The following PKD2L1 variants were observed in gnomAD, a reference collection of about 807,000 sequenced individuals.
The protein encoded by PKD2L1 is polycystin 2 like 1, transient receptor potential cation channel.
Under a neutral mutation model 93.0 loss-of-function variants are expected in PKD2L1, and 77 were observed. That is an observed-to-expected ratio of 0.83 (90% CI 0.69 to 1.00). The LOEUF is 1.00. Ranked by LOEUF, PKD2L1 falls within the 50% of genes least tolerant of loss-of-function variation. The pLI, the probability that PKD2L1 is intolerant of heterozygous loss-of-function variation, is 0.00. For missense variants in PKD2L1, 977 were observed against 990.9 expected (o/e 0.99, Z 0.19); for synonymous variants, 390 against 388.0 (o/e 1.01, Z -0.06).
In PKD2L1 at chr10:100,290,055, A is replaced by G. The variant is rs1433340052; in HGVS notation, c.2210T>C (p.Met737Thr). 2 of 1,614,178 alleles carry G rather than the reference A, an allele frequency of 1.2e-6. No homozygotes were observed. Among genetic ancestry groups the G allele is most frequent in the Non-Finnish European group, 1.7e-6 (2 of 1,180,016 alleles). The change falls in exon 14 of 16, where the codon ATG becomes ACG. Residue 737 changes from methionine (M) to threonine (T), a missense_variant. Met to Thr is a moderately conservative substitution (Grantham distance 81, BLOSUM62 -1). Coordinates refer to ENST00000318222, the MANE Select transcript of PKD2L1 (RefSeq NM_016112.3). ...QIDAVGSKLK[M>T]LERKGWLAPS... ...AGCCAGCCACCCCTTCCTCTCCAGC[A>G]TTTTCAGCTTTGAGCCTACAGCATC...
At chr10:100,321,068 G>T (rs1418371029) in intron 2 of PKD2L1, among the ~76,000 whole-genome samples, 1 of 152,178 alleles carries the variant, frequency 6.6e-6, no homozygotes, top group African/African-American at 2.4e-5. Flanking sequence ...ATAAAAACTG[G>T]CTGGGCATGG....
chr10:100,322,241 A>G (rs911636584), intron 2 of PKD2L1, among the ~76,000 whole-genome samples: 2 of 151,908 alleles, frequency 1.3e-5, no homozygotes, highest in African/African-American at 4.8e-5. Flanking sequence ...AACAACAACA[A>G]AAACAAAAAC....
chr10:100,299,738 G>T lies in PKD2L1; in HGVS notation c.350-20C>A. On this transcript the variant is annotated intron_variant, in intron 2 of 15. Coordinates refer to ENST00000318222, the MANE Select transcript of PKD2L1 (RefSeq NM_016112.3). ...AGGTCACTAGAAAACAACCCAAGAG[G>T]CTATGTCCTTCTCACTGTTCCCCCA... 1 of 1,611,592 alleles carries T rather than the reference G, an allele frequency of 6.2e-7. No individual in the cohort carries two copies. Among genetic ancestry groups the T allele is most frequent in the Non-Finnish European group, 8.5e-7 (1 of 1,177,810 alleles).
At chr10:100,318,599 T>A (rs370659906) in intron 2 of PKD2L1, among the ~76,000 whole-genome samples, 9 of 147,350 alleles carry the variant, frequency 6.1e-5, no homozygotes, top group African/African-American at 2.2e-4. Context: ...GCTCACTGCA[T>A]GCTCCACCTC....
intron 2 of PKD2L1, among the ~76,000 whole-genome samples, chr10:100,315,127 A>G (rs1849071383): frequency 2.0e-5 from 3 of 147,728 alleles, no homozygotes; most frequent in Non-Finnish European, 3.0e-5. Context: ...AAGAGAAAAC[A>G]GTTGAAATGA....
chr10:100,303,620 A>G lies in PKD2L1; in HGVS notation c.350-3902T>C, dbSNP rs185796795. 1.7e-4 allele frequency among the ~76,000 whole-genome samples: 26 copies of G among 152,340 alleles called. No individual in the cohort carries two copies. In the East Asian group the frequency reaches 5.0e-3, roughly 29 times the overall value. ...GGCGAATGATCACGGATTGGGCACT[A>G]ACATTATACTTTTTCAGGGGGAAAA... On this transcript the variant is annotated intron_variant, in intron 2 of 15. Transcript: ENST00000318222.
intron 12 of PKD2L1, 65 bp downstream of exon 12, chr10:100,291,236 T>C: frequency 3.2e-6 from 5 of 1,540,702 alleles, no homozygotes; most frequent in Non-Finnish European, 4.4e-6. Context: ...GTTCTAGGTA[T>C]GTTGGGGGAA....
At position 100,298,601 on chromosome 10, in the gene PKD2L1, TTGTC is replaced by T; in HGVS notation, c.688_691del (p.Asp230LysfsTer88). 1 of 1,614,138 alleles carries T rather than the reference TTGTC, an allele frequency of 6.2e-7. No individual in the cohort carries two copies. The highest frequency in any genetic ancestry group is 8.5e-7 in the Non-Finnish European group (1 of 1,180,014). ...GGGCCCAAAGGGGAGTTGTTCTTCTTTGTCTGGAGAGTAGACATCATAGCAGCTC... is the reference window on the plus strand; with the variant it reads ...GGGCCCAAAGGGGAGTTGTTCTTCTTTGGAGAGTAGACATCATAGCAGCTC... On this transcript the variant is annotated frameshift_variant, in exon 4 of 16. Coordinates refer to ENST00000318222, the MANE Select transcript of PKD2L1 (RefSeq NM_016112.3). LOFTEE classifies it high-confidence loss of function.
At chr10:100,326,556 A>G (rs1849384116) in intron 2 of PKD2L1, among the ~76,000 whole-genome samples, 1 of 152,144 alleles carries the variant, frequency 6.6e-6, no homozygotes, top group Non-Finnish European at 1.5e-5. Flanking sequence ...GCATCACAGT[A>G]CTCTGTGCTG....
intron 2 of PKD2L1, among the ~76,000 whole-genome samples, chr10:100,318,665 T>A (rs1167099418): frequency 7.1e-6 from 1 of 141,180 alleles, no homozygotes; most frequent in Non-Finnish European, 1.5e-5. Context: ...ACTACAGGCA[T>A]CTGCCACCAC....
Position 100,330,084 on chromosome 10 carries a change from G to T in PKD2L1, c.20C>A (p.Pro7His). MNAVGS[P>H]EGQELQKLGS... is the part of the protein sequence containing the mutation. ...CAGCTTTTGCAGCTCCTGCCCCTCA[G>T]GACTTCCCACAGCATTCATGGGGAA... Residue 7 changes from proline (P) to histidine (H), a missense_variant, in exon 1 of 16, where the codon CCT becomes CAT. Transcript: ENST00000318222. The T allele has an allele frequency of 6.3e-7, 1 of 1,590,686 alleles. No homozygotes were observed. Among genetic ancestry groups the T allele is most frequent in the Non-Finnish European group, 8.6e-7 (1 of 1,166,194 alleles).
chr10:100,313,210 A>C (rs1255697482), intron 2 of PKD2L1, among the ~76,000 whole-genome samples: 1 of 152,226 alleles, frequency 6.6e-6, no homozygotes, highest in African/African-American at 2.4e-5. Context: ...AGCTACAAAG[A>C]GTATACTAGT....
chr10:100,311,590 G>A (rs990508233), intron 2 of PKD2L1, among the ~76,000 whole-genome samples: 1 of 152,192 alleles, frequency 6.6e-6, no homozygotes, highest in African/African-American at 2.4e-5. Context: ...CACCAGTGCT[G>A]ACTTCAGTCG....
chr10:100,289,632 T>G (rs1204487604), intron 14 of PKD2L1, among the ~76,000 whole-genome samples: 1 of 152,104 alleles, frequency 6.6e-6, no homozygotes, highest in Non-Finnish European at 1.5e-5. Flanking sequence ...AGAAGACAGC[T>G]CTCTATGAAT....
rs1305791985 is a variant in PKD2L1 at position 100,329,405 on chromosome 10, T to C, written c.236-81A>G. On this transcript the variant is annotated intron_variant, in intron 1 of 15. Coordinates refer to ENST00000318222, the MANE Select transcript of PKD2L1 (RefSeq NM_016112.3). ...ATCCCCACCCATCTGTCTCTGGACT[T>C]TAGCCCCTTTCCACCCCTGCCCTTC... The C allele has an allele frequency of 4.4e-6, 7 of 1,599,460 alleles. No homozygotes were observed. The African/African-American group carries it at 9.4e-5, about 21-fold the overall frequency.
intron 2 of PKD2L1, among the ~76,000 whole-genome samples, chr10:100,317,508 A>G (rs543710447): frequency 2.0e-5 from 3 of 152,238 alleles, no homozygotes; most frequent in Admixed American, 2.0e-4. Context: ...CACTGTACTC[A>G]GCCTCAGTGA....
intron 6 of PKD2L1, 27 bp from the exon 7 acceptor site, chr10:100,296,319 C>G (rs1848538849): frequency 6.5e-7 from 1 of 1,538,736 alleles, no homozygotes; most frequent in Non-Finnish European, 8.7e-7. Context: ...ATGGGGGTGT[C>G]AGAGAAGGCA....
At chr10:100,290,346 G>T (rs1589658080) in intron 13 of PKD2L1, 55 bp downstream of exon 13, 1 of 1,317,426 alleles carries the variant, frequency 7.6e-7, no homozygotes, top group Non-Finnish European at 1.1e-6. Context: ...ACAAGACAGG[G>T]TATCGTAATA....
chr10:100,317,729 C>T (rs989597258), intron 2 of PKD2L1, among the ~76,000 whole-genome samples: 1 of 151,962 alleles, frequency 6.6e-6, no homozygotes, highest in Non-Finnish European at 1.5e-5. Context: ...TAAGAGAGAA[C>T]CTCACAACCT....
Sources: allele counts gnomAD v4.1 joint callset (sites outside exome capture counted in the v4.1 genomes callset), GRCh38; gene constraint gnomAD v4.1.1; transcripts MANE v1.5; gene names NCBI Gene and HGNC (gene_info 2026-07-23, HGNC 2026-07-21).